PBRM1: variants seen among roughly 807,000 people sequenced by gnomAD.
PBRM1 encodes protein polybromo-1.
In PBRM1, 27 loss-of-function variants were observed where a neutral mutation model predicts 194.5. The observed-to-expected ratio is 0.14, with a 90% CI of 0.10 to 0.19. PBRM1 has a LOEUF of 0.19. PBRM1 is among the 10% of genes least tolerant of loss of function. The probability of loss-of-function intolerance (pLI) is 1.00; values close to 1 mark genes in which losing one functional copy is unlikely to be tolerated. For missense variants in PBRM1, 1,466 were observed against 2,077.2 expected, an observed-to-expected ratio of 0.71 and a Z score of 5.72; for synonymous variants, 655 against 693.2, an observed-to-expected ratio of 0.94 and a Z score of 0.87.
chr3:52,581,917 T>C (rs1489596361), intron 20 of PBRM1, among the ~76,000 whole-genome samples: 1 of 152,158 alleles, frequency 6.6e-6, no homozygotes, highest in Non-Finnish European at 1.5e-5. Flanking sequence ...ATTACAGGCA[T>C]GAGCCACCGA....
At chr3:52,681,090 A>G (rs1432514474), upstream of PBRM1, 1 of 150,946 alleles carries the variant, frequency 6.6e-6, no homozygotes, top group East Asian at 2.0e-4. Context: ...ATTATGAGGA[A>G]CCTCATAGAA....
At chr3:52,632,531 C>CT (rs1251207605) in intron 11 of PBRM1, among the ~76,000 whole-genome samples, 2 of 152,006 alleles carry the variant, frequency 1.3e-5, no homozygotes, top group East Asian at 3.9e-4. Flanking sequence ...ATCATGCCAG[C>CT]TTACGCAACA....
At chr3:52,646,251 ATT>A (rs956114213) in intron 7 of PBRM1, among the ~76,000 whole-genome samples, 12 of 152,230 alleles carry the variant, frequency 7.9e-5, no homozygotes, top group African/African-American at 2.9e-4. Flanking sequence ...AATTTTGAGT[ATT>A]TGAGTCAGCA....
exon 14 of PBRM1, chr3:52,617,388 C>T (rs766077414): frequency 2.5e-6 from 4 of 1,614,024 alleles, no homozygotes; most frequent in East Asian, 4.5e-5. Context: ...AGTCCATTGG[C>T]TCCAAGATGA....
chr3:52,654,361 T>C (rs1449422739), intron 5 of PBRM1, among the ~76,000 whole-genome samples: 1 of 152,206 alleles, frequency 6.6e-6, no homozygotes, highest in Non-Finnish European at 1.5e-5. Context: ...CTTCACCAGT[T>C]CTACTTCTGA....
intron 21 of PBRM1, among the ~76,000 whole-genome samples, chr3:52,577,641 G>C (rs1353782960): frequency 1.3e-5 from 2 of 151,962 alleles, no homozygotes; most frequent in Non-Finnish European, 2.9e-5. Flanking sequence ...AGTCATCCTT[G>C]ACTTTTTTAT....
intron 13 of PBRM1, 61 bp from the exon 16 acceptor site, chr3:52,617,599 G>T: frequency 8.2e-7 from 1 of 1,213,278 alleles, no homozygotes; most frequent in Non-Finnish European, 1.2e-6. Flanking sequence ...CTTAATATAC[G>T]GATGACCACA....
In PBRM1 at chr3:52,589,274, T is replaced by C; in HGVS notation, c.2780-19A>G. 3.3e-6 allele frequency: 5 copies of C among 1,493,292 alleles called. No homozygotes were observed. Among genetic ancestry groups the C allele is most frequent in the Non-Finnish European group, 4.5e-6 (5 of 1,122,674 alleles). 92.5% of individuals were successfully genotyped at this position (1,493,292 alleles called of 1,614,324 possible). A position where few individuals can be genotyped will look rare whatever the true frequency, so the allele number is the denominator to read the frequency against. ...TCAGCTTCTTAGGTAAAAAAATAAA[T>C]AAATAAAGGAAAAAGGTACTCACCA... On this transcript the variant is annotated intron_variant, in intron 17 of 29. Transcript: ENST00000296302.
At chr3:52,612,887 C>A (rs1031012309) in intron 15 of PBRM1, among the ~76,000 whole-genome samples, 1 of 137,760 alleles carries the variant, frequency 7.3e-6, no homozygotes. Context: ...GCCTGGGCAA[C>A]AGAGTGAGAA....
chr3:52,588,382 T>C (rs2092662079), intron 18 of PBRM1, among the ~76,000 whole-genome samples: 1 of 151,452 alleles, frequency 6.6e-6, no homozygotes, highest in Non-Finnish European at 1.5e-5. Flanking sequence ...TAATAATTTC[T>C]TTTTTGATCA....
At chr3:52,561,900 G>A in exon 25 of PBRM1, 2 of 1,613,996 alleles carry the variant, frequency 1.2e-6, no homozygotes, top group Non-Finnish European at 1.7e-6. Context: ...ACAGGATGTA[G>A]CCACTCATGT....
At chr3:52,577,043 A>G (rs1483460444) in intron 21 of PBRM1, among the ~76,000 whole-genome samples, 2 of 151,876 alleles carry the variant, frequency 1.3e-5, no homozygotes, top group Non-Finnish European at 2.9e-5. Context: ...TGTGAACCAA[A>G]CAAAGACATA....
intron 20 of PBRM1, among the ~76,000 whole-genome samples, chr3:52,584,931 A>C (rs1390275610): frequency 1.3e-5 from 2 of 152,192 alleles, no homozygotes; most frequent in Non-Finnish European, 2.9e-5. Context: ...ATTTAAAAAA[A>C]AATTACACTA....
chr3:52,649,540 G>T (rs2096430692), intron 6 of PBRM1, among the ~76,000 whole-genome samples: 1 of 152,184 alleles, frequency 6.6e-6, no homozygotes. Context: ...CCTGAGTTCT[G>T]CCTAGTATCC....
exon 1 of PBRM1, chr3:52,679,582 C>A: frequency 6.2e-7 from 1 of 1,612,928 alleles, no homozygotes; most frequent in Non-Finnish European, 8.5e-7. Context: ...ACAGGATCTA[C>A]AGTTGGAAGA....
chr3:52,546,519 T>C (rs1251433021), downstream of PBRM1: 1 of 230,020 alleles, frequency 4.3e-6, no homozygotes, highest in Non-Finnish European at 8.6e-6. Flanking sequence ...TACACTCTTT[T>C]GCCCTCATGA....
chr3:52,659,203 A>T (rs1045178867), intron 4 of PBRM1, among the ~76,000 whole-genome samples: 2 of 152,234 alleles, frequency 1.3e-5, no homozygotes, highest in African/African-American at 2.4e-5. Flanking sequence ...TAGGAAGTAT[A>T]TGCCCCAAAG....
intron 2 of PBRM1, 41 bp from the exon 4 acceptor site, chr3:52,668,686 G>A (rs762521587): frequency 8.0e-7 from 1 of 1,255,878 alleles, no homozygotes; most frequent in Non-Finnish European, 1.1e-6. Flanking sequence ...TTAATCTGAA[G>A]CTTACAAAAA....
chr3:52,631,085 T>C (rs1217210939), intron 11 of PBRM1, among the ~76,000 whole-genome samples: 1 of 152,172 alleles, frequency 6.6e-6, no homozygotes, highest in Non-Finnish European at 1.5e-5. Flanking sequence ...TTAATTTCCA[T>C]GTTATTTTAA....
Sources: gnomAD v4.1 joint callset for allele counts (sites outside exome capture counted in the v4.1 genomes callset) on GRCh38, gnomAD v4.1.1 for gene constraint, MANE v1.5 for transcripts, NCBI Gene and HGNC (gene_info 2026-07-23, HGNC 2026-07-21) for gene names.